Variants in LINGO2 observed in about 807,000 individuals in gnomAD.
LINGO2 encodes leucine rich repeat and Ig domain containing 2, also known as leucine-rich repeat and immunoglobulin-like domain-containing nogo receptor-interacting protein 2.
In LINGO2, 14 loss-of-function variants were observed where a neutral mutation model predicts 30.6. That is an observed-to-expected ratio of 0.46 (90% CI 0.30 to 0.72). The LOEUF is 0.72. Among genes scored for constraint, LINGO2 ranks in the 30% least tolerant of loss-of-function variants. The pLI is 0.07. For synonymous variants in LINGO2, 317 were observed against 288.5 expected (o/e 1.10, Z -1.00); for missense variants, 729 against 751.7 (o/e 0.97, Z 0.35).
At chr9:27,951,587 C>T (rs1819314685) in intron 5 of LINGO2, among the ~76,000 whole-genome samples, 1 of 152,006 alleles carries the variant, frequency 6.6e-6, no homozygotes, top group Non-Finnish European at 1.5e-5. Flanking sequence ...AAATAGGTAG[C>T]AAATGAGAAG....
the LINGO2 span, among the ~76,000 whole-genome samples, chr9:29,073,090 A>G: frequency 6.6e-6 from 1 of 151,686 alleles, no homozygotes; most frequent in East Asian, 1.9e-4. Flanking sequence ...TTTATCTACA[A>G]TCTTGTATTT....
the LINGO2 span, among the ~76,000 whole-genome samples, chr9:28,872,184 A>T: frequency 6.6e-6 from 1 of 152,074 alleles, no homozygotes; most frequent in Admixed American, 6.6e-5. Flanking sequence ...GATGGGCATG[A>T]TAAAATATCT....
At chr9:29,118,190 C>G in the LINGO2 span, among the ~76,000 whole-genome samples, 14 of 152,012 alleles carry the variant, frequency 9.2e-5, no homozygotes, top group Non-Finnish European at 1.8e-4. Flanking sequence ...GTTGACTTAC[C>G]CTGTGGGCTG....
the LINGO2 span, among the ~76,000 whole-genome samples, chr9:28,710,327 T>TA: frequency 6.6e-6 from 1 of 152,028 alleles, no homozygotes; most frequent in African/African-American, 2.4e-5. Context: ...CCACCATAAC[T>TA]GTGGGAAATT....
At chr9:28,106,002 G>T (rs1259833926) in intron 4 of LINGO2, among the ~76,000 whole-genome samples, 1 of 152,088 alleles carries the variant, frequency 6.6e-6, no homozygotes, top group African/African-American at 2.4e-5. Flanking sequence ...TACCAACAGA[G>T]CTCTGCCTCC....
chr9:29,001,949 G>A, the LINGO2 span, among the ~76,000 whole-genome samples: 3 of 151,608 alleles, frequency 2.0e-5, no homozygotes, highest in African/African-American at 7.3e-5. Context: ...TTCATCACTG[G>A]GTTTTCAAGT....
At chr9:28,778,931 T>C in the LINGO2 span, among the ~76,000 whole-genome samples, 1 of 152,164 alleles carries the variant, frequency 6.6e-6, no homozygotes, top group Non-Finnish European at 1.5e-5. Context: ...GGATTATCTA[T>C]ATCTGTACAT....
intron 2 of LINGO2, among the ~76,000 whole-genome samples, chr9:28,449,800 G>C (rs1391720364): frequency 2.0e-5 from 3 of 151,954 alleles, no homozygotes; most frequent in Non-Finnish European, 4.4e-5. Flanking sequence ...AATCAATTCT[G>C]AGACTGACTG....
At chr9:28,771,504 T>A in the LINGO2 span, among the ~76,000 whole-genome samples, 13,197 of 74,352 alleles carry the variant, frequency 0.18, 716 homozygotes, top group African/African-American at 0.2. Context: ...TGTGTGTGTG[T>A]GTGAGAGAGA....
intron 4 of LINGO2, among the ~76,000 whole-genome samples, chr9:28,127,642 C>T (rs1164675640): frequency 1.3e-5 from 2 of 152,104 alleles, no homozygotes; most frequent in Admixed American, 6.5e-5. Context: ...GGCAAAATGT[C>T]CTCTCTATGG....
At chr9:29,059,455 G>A in the LINGO2 span, among the ~76,000 whole-genome samples, 1 of 150,352 alleles carries the variant, frequency 6.7e-6, no homozygotes, top group African/African-American at 2.4e-5. Flanking sequence ...AAGAACTAAG[G>A]GACTCAAAAT....
intron 1 of LINGO2, among the ~76,000 whole-genome samples, chr9:28,553,539 G>T (rs183925113): frequency 8.2e-4 from 125 of 152,242 alleles, no homozygotes; most frequent in African/African-American, 2.9e-3. Flanking sequence ...ACCTGGAAGT[G>T]ATGGGGAGAA....
chr9:28,966,350 A>T, the LINGO2 span, among the ~76,000 whole-genome samples: 1 of 152,236 alleles, frequency 6.6e-6, no homozygotes, highest in South Asian at 2.1e-4. Context: ...CACTATTCTT[A>T]TATTTTTATT....
chr9:28,507,638 A>G (rs911888146), intron 1 of LINGO2, among the ~76,000 whole-genome samples: 3 of 152,142 alleles, frequency 2.0e-5, no homozygotes, highest in African/African-American at 7.2e-5. Flanking sequence ...TGTTAAATCA[A>G]TACATACACG....
chr9:28,014,238 A>G (rs1822708239), intron 4 of LINGO2, among the ~76,000 whole-genome samples: 1 of 152,186 alleles, frequency 6.6e-6, no homozygotes, highest in Non-Finnish European at 1.5e-5. Context: ...GCTGGAAGAA[A>G]ATAAAGAACA....
In LINGO2 at chr9:28,061,074, A is replaced by G. The variant is rs536435024; in HGVS notation, c.-86-48669T>C. 2.6e-5 allele frequency among the ~76,000 whole-genome samples: 4 copies of G among 151,848 alleles called. 1 individual carries two copies. Among genetic ancestry groups the G allele is most frequent in the Admixed American group, 1.3e-4 (2 of 15,184 alleles). ...TGCAATTGTTCTTGATACAATCGTCATACTCATAATTATTTGTTATGGTTA... is the reference window on the plus strand; with the variant it reads ...TGCAATTGTTCTTGATACAATCGTCGTACTCATAATTATTTGTTATGGTTA... On this transcript the variant is annotated intron_variant, in intron 4 of 5. Transcript: ENST00000379992.
chr9:28,384,953 A>T (rs1821518843), intron 2 of LINGO2, among the ~76,000 whole-genome samples: 1 of 152,122 alleles, frequency 6.6e-6, no homozygotes, highest in African/African-American at 2.4e-5. Flanking sequence ...GCCCTCAAAA[A>T]ATCTAAGGTT....
At chr9:28,400,105 C>G (rs1472691799) in intron 2 of LINGO2, among the ~76,000 whole-genome samples, 2 of 152,156 alleles carry the variant, frequency 1.3e-5, no homozygotes, top group Non-Finnish European at 2.9e-5. Flanking sequence ...ATGGGGGTGT[C>G]TGAAGCAGAC....
intron 4 of LINGO2, among the ~76,000 whole-genome samples, chr9:28,216,192 C>T (rs1820760714): frequency 6.6e-6 from 1 of 151,928 alleles, no homozygotes; most frequent in South Asian, 2.1e-4. Flanking sequence ...TGATTTATTA[C>T]ATCCACAACA....
Sources: allele counts gnomAD v4.1 joint callset (sites outside exome capture counted in the v4.1 genomes callset), GRCh38; gene constraint gnomAD v4.1.1; transcripts MANE v1.5; gene names NCBI Gene and HGNC (gene_info 2026-07-23, HGNC 2026-07-21).